The following TNRC6A variants were observed in gnomAD, a reference collection of about 807,000 sequenced individuals.
The protein encoded by TNRC6A is trinucleotide repeat-containing gene 6A protein.
TNRC6A carries 44 observed loss-of-function variants against 221.2 expected under a neutral mutation model. That is an observed-to-expected ratio of 0.20 (90% CI 0.16 to 0.26). The LOEUF (loss-of-function observed/expected upper bound fraction) is 0.26, where lower values mean the gene tolerates loss of function less well. Ranked by LOEUF, TNRC6A falls within the 10% of genes least tolerant of loss-of-function variation. TNRC6A has a pLI of 1.00. For synonymous variants in TNRC6A, 847 were observed against 838.5 expected (o/e 1.01, Z -0.18); for missense variants, 2,199 against 2,404.4 (o/e 0.91, Z 1.79).
At chr16:24,679,028 C>T (rs559498143) in intron 2 of TNRC6A, among the ~76,000 whole-genome samples, 5 of 145,416 alleles carry the variant, frequency 3.4e-5, no homozygotes, top group Non-Finnish European at 7.5e-5. Context: ...TATAGAGTTT[C>T]GCTCTTGTTG....
intron 2 of TNRC6A, among the ~76,000 whole-genome samples, chr16:24,655,794 AG>A (rs1294183299): frequency 2.0e-5 from 3 of 152,192 alleles, no homozygotes; most frequent in African/African-American, 7.2e-5. Context: ...AAAATACAAA[AG>A]AAACAGGATT....
chr16:24,680,882 C>T (rs1165359943), intron 2 of TNRC6A, among the ~76,000 whole-genome samples: 2 of 151,908 alleles, frequency 1.3e-5, no homozygotes, highest in African/African-American at 4.8e-5. Flanking sequence ...TCCTCAGCCT[C>T]CCGAGTAGCT....
chr16:24,656,155 AAG>A (rs1491045583), intron 2 of TNRC6A, among the ~76,000 whole-genome samples: 9 of 149,342 alleles, frequency 6.0e-5, no homozygotes, highest in Non-Finnish European at 5.9e-5. Context: ...AAAAAAAAAA[AAG>A]AAAAGAAAAG....
At position 24,823,420 on chromosome 16, in the gene TNRC6A, T is replaced by C. The variant is rs1200026231; in HGVS notation, c.5514-12T>C. 6.3e-7 allele frequency: 1 copy of C among 1,598,846 alleles called. No individual in the cohort carries two copies. The highest frequency in any genetic ancestry group is 2.2e-5 in the East Asian group (1 of 44,640). The stretch of plus-strand genomic sequence containing the variant: ...GCTGTCCTCACGTGTCCGCGGTGCC[T>C]CTCTCCTCTAGGTGTGTACTGGGGA... On this transcript the variant is annotated splice_polypyrimidine_tract_variant and intron_variant, in intron 24 of 24. Transcript: ENST00000395799. The surrounding 1 kb of genome is among the most constrained non-coding windows in gnomAD (Gnocchi z 4.3).
In TNRC6A at chr16:24,812,019, A is replaced by ATTTTTTTTTTTTTTTTT. The variant is rs71156440; in HGVS notation, c.4672+2569_4672+2585dup. ...CCGTTCAGGGGAATGTCACTTTGGG[A>ATTTTTTTTTTTTTTTTT]TTTTTTTTTTTTTTTTTTTTTTTTT... On this transcript the variant is annotated intron_variant, in intron 18 of 24. Coordinates refer to ENST00000395799, the MANE Select transcript of TNRC6A (RefSeq NM_014494.4). Among the ~76,000 whole-genome samples, 14 of 40,852 alleles carry ATTTTTTTTTTTTTTTTT rather than the reference A, an allele frequency of 3.4e-4. 1 individual carries two copies. The highest frequency in any genetic ancestry group is 1.1e-3 in the South Asian group (1 of 912). The allele number at this position is 40,852 out of a possible 152,430, so 26.8% of individuals were successfully genotyped here.
At chr16:24,638,852 A>C (rs1031033248) in intron 1 of TNRC6A, among the ~76,000 whole-genome samples, 3 of 152,224 alleles carry the variant, frequency 2.0e-5, no homozygotes, top group African/African-American at 7.2e-5. Flanking sequence ...TTCCTGTTTT[A>C]AAAAATCATT....
chr16:24,822,223 G>C, intron 23 of TNRC6A, 76 bp downstream of exon 23: 1 of 1,426,134 alleles, frequency 7.0e-7, no homozygotes, highest in Non-Finnish European at 9.8e-7. Flanking sequence ...CTGTATGTGA[G>C]ACAAGGGCTG....
intron 2 of TNRC6A, among the ~76,000 whole-genome samples, chr16:24,681,845 A>C (rs2142063464): frequency 6.6e-6 from 1 of 152,300 alleles, no homozygotes; most frequent in East Asian, 1.9e-4. Flanking sequence ...TACCATAATT[A>C]TTTCCTTGAG....
chr16:24,704,684 A>AG (rs2056061261), intron 2 of TNRC6A, among the ~76,000 whole-genome samples: 2 of 119,338 alleles, frequency 1.7e-5, no homozygotes, highest in Non-Finnish European at 3.5e-5. Flanking sequence ...AAAAAAAAAA[A>AG]AAAAAAAAAA....
chr16:24,793,441 G>T (rs1464919534), intron 6 of TNRC6A, 32 bp from the exon 7 acceptor site: 1 of 1,369,924 alleles, frequency 7.3e-7, no homozygotes, highest in African/African-American at 1.5e-5. Context: ...TACCTTCTAT[G>T]CTGATGACTT....
rs1316132281 is a variant in TNRC6A at position 24,823,103 on chromosome 16, C to T, written c.5513+90C>T. On this transcript the variant is annotated intron_variant, in intron 24 of 24. Transcript: ENST00000395799. The surrounding 1 kb of genome is among the most constrained non-coding windows in gnomAD (Gnocchi z 4.3). ...ACCCGGGGCAGTGCACAGGGTCCTGCGTGGGTGGCTCCTGCTGGCTGCAGT... is the reference window on the plus strand; with the variant it reads ...ACCCGGGGCAGTGCACAGGGTCCTGTGTGGGTGGCTCCTGCTGGCTGCAGT... 11 of 1,552,994 alleles carry T rather than the reference C, an allele frequency of 7.1e-6. No individual in the cohort carries two copies. Among genetic ancestry groups the T allele is most frequent in the East Asian group, 2.3e-5 (1 of 44,436 alleles).
chr16:24,666,671 AT>A (rs1276644184), intron 2 of TNRC6A, among the ~76,000 whole-genome samples: 32 of 99,534 alleles, frequency 3.2e-4, no homozygotes, highest in African/African-American at 8.2e-4. Context: ...AAAAAAAAAT[AT>A]ATATATATAT....
chr16:24,730,222 TTTTG>T (rs1489390613), intron 1 of TNRC6A, 27 bp from the exon 2 acceptor site: 2 of 1,572,118 alleles, frequency 1.3e-6, no homozygotes, highest in African/African-American at 1.4e-5. Context: ...TGTGTTTTTG[TTTTG>T]TTTTTGTTTT....
At chr16:24,636,653 G>A (rs1901651061) in intron 1 of TNRC6A, among the ~76,000 whole-genome samples, 1 of 152,038 alleles carries the variant, frequency 6.6e-6, no homozygotes, top group African/African-American at 2.4e-5. Context: ...ACTAAGCCTG[G>A]CTCTTTGTTT....
Position 24,823,331 on chromosome 16 carries a change from T to A in TNRC6A, c.5514-101T>A. ...GTGTAGTCTCTCCCTCTGTGCCTTC[T>A]GTGGCTTTTCTAGCAGAGACAAGTT... On this transcript the variant is annotated intron_variant, in intron 24 of 24. Coordinates refer to ENST00000395799, the MANE Select transcript of TNRC6A (RefSeq NM_014494.4). The surrounding 1 kb of genome is among the most constrained non-coding windows in gnomAD (Gnocchi z 4.3). 7.0e-7 allele frequency: 1 copy of A among 1,427,574 alleles called. No homozygotes were observed. The highest frequency in any genetic ancestry group is 9.5e-7 in the Non-Finnish European group (1 of 1,056,994). The allele number at this position is 1,427,574 out of a possible 1,614,324, so 88.4% of individuals were successfully genotyped here.
In TNRC6A at chr16:24,804,973, T is replaced by A. The variant is rs766417945; in HGVS notation, c.3985-41T>A. On this transcript the variant is annotated intron_variant, in intron 13 of 24. Coordinates refer to ENST00000395799, the MANE Select transcript of TNRC6A (RefSeq NM_014494.4). ...AGTGTGGTAATGAGATGTTTGTCCC[T>A]AAAGAATCCCACTGTTACTTGTTGC... 16 of 1,614,024 alleles carry A rather than the reference T, an allele frequency of 9.9e-6. No homozygotes were observed. In the African/African-American group the frequency reaches 1.9e-4, roughly 19 times the overall value.
At chr16:24,659,417 G>C (rs561371789) in intron 2 of TNRC6A, among the ~76,000 whole-genome samples, 16 of 151,942 alleles carry the variant, frequency 1.1e-4, no homozygotes, top group African/African-American at 3.9e-4. Context: ...CTCAAAAAAC[G>C]CTCCCTTTTA....
intron 5 of TNRC6A, among the ~76,000 whole-genome samples, chr16:24,779,874 T>G (rs1018274678): frequency 6.6e-6 from 1 of 152,210 alleles, no homozygotes; most frequent in Non-Finnish European, 1.5e-5. Context: ...TTTTAATTTT[T>G]TTAGAATCCT....
chr16:24,624,183 G>A (rs1332078712), intron 1 of TNRC6A, among the ~76,000 whole-genome samples: 5 of 152,100 alleles, frequency 3.3e-5, no homozygotes, highest in Non-Finnish European at 7.3e-5. Flanking sequence ...TCGCCCACAC[G>A]TTTCTTACCA....
Sources: gnomAD v4.1 joint callset for allele counts (sites outside exome capture counted in the v4.1 genomes callset) on GRCh38, gnomAD v4.1.1 for gene constraint, Gnocchi (gnomAD v3.1) non-coding constraint, MANE v1.5 for transcripts, NCBI Gene and HGNC (gene_info 2026-07-23, HGNC 2026-07-21) for gene names.